Variants in PDE3A observed in about 807,000 individuals in gnomAD.
The protein encoded by PDE3A is phosphodiesterase 3A, also known as cGMP-inhibited 3',5'-cyclic phosphodiesterase 3A.
Under a neutral mutation model 98.3 loss-of-function variants are expected in PDE3A, and 43 were observed. That is an observed-to-expected ratio of 0.44 (90% CI 0.34 to 0.56). The LOEUF (loss-of-function observed/expected upper bound fraction) is 0.56. Ranked by LOEUF, PDE3A falls within the 20% of genes least tolerant of loss-of-function variation. The pLI, the probability that PDE3A is intolerant of heterozygous loss-of-function variation, is 0.01. For missense variants in PDE3A, 1,427 were observed against 1,440.7 expected (o/e 0.99, Z 0.15); for synonymous variants, 663 against 567.9 (o/e 1.17, Z -2.38).
chr12:20,498,460 C>A (rs1481476412), intron 1 of PDE3A, among the ~76,000 whole-genome samples: 1 of 152,150 alleles, frequency 6.6e-6, no homozygotes, highest in African/African-American at 2.4e-5. Flanking sequence ...ACTATACCAA[C>A]TATTTACATA....
At chr12:20,660,678 G>C (rs1271812742) in intron 15 of PDE3A, among the ~76,000 whole-genome samples, 2 of 152,190 alleles carry the variant, frequency 1.3e-5, no homozygotes, top group Admixed American at 1.3e-4. Context: ...CTTTGCACAA[G>C]TTCTCTTTTT....
intron 1 of PDE3A, among the ~76,000 whole-genome samples, chr12:20,376,854 C>T (rs920019420): frequency 3.3e-5 from 5 of 151,810 alleles, no homozygotes; most frequent in Admixed American, 2.6e-4. Context: ...AGATGGAAAG[C>T]TATTTGAGAG....
rs192162655 is a variant in PDE3A, at chr12:20,449,576, G to T, written c.960+79332G>T. 51 of 306,672 alleles carry T rather than the reference G, an allele frequency of 1.7e-4. No individual in the cohort carries two copies. The East Asian group carries it at 2.7e-3, about 16-fold the overall frequency. 19.0% of individuals were successfully genotyped at this position (306,672 alleles called of 1,614,324 possible). ...TTTCCACAGAGTCCTTCCATGTGGG[G>T]TATCTGAATGCACTGCACGGGGTCT... On this transcript the variant is annotated intron_variant, in intron 1 of 15. Coordinates refer to ENST00000359062, the MANE Select transcript of PDE3A (RefSeq NM_000921.5).
At chr12:20,498,909 G>A (rs1037234047) in intron 1 of PDE3A, among the ~76,000 whole-genome samples, 1 of 152,068 alleles carries the variant, frequency 6.6e-6, no homozygotes, top group Non-Finnish European at 1.5e-5. Flanking sequence ...AGGAACAGCA[G>A]TAAAGGCAAG....
chr12:20,641,849 G>C (rs1944653340), intron 10 of PDE3A, among the ~76,000 whole-genome samples: 1 of 151,974 alleles, frequency 6.6e-6, no homozygotes, highest in Non-Finnish European at 1.5e-5. Context: ...AAACCTGCTT[G>C]TTCTATTAGA....
chr12:20,493,432 G>T (rs1296482998), intron 1 of PDE3A, among the ~76,000 whole-genome samples: 2 of 152,096 alleles, frequency 1.3e-5, no homozygotes, highest in Non-Finnish European at 2.9e-5. Flanking sequence ...AAGTAATCCA[G>T]AGATGATTTA....
chr12:20,458,430 A>C (rs1319057296), intron 1 of PDE3A, among the ~76,000 whole-genome samples: 1 of 151,864 alleles, frequency 6.6e-6, no homozygotes, highest in Non-Finnish European at 1.5e-5. Flanking sequence ...ATCTTTTTGT[A>C]TAGGTTTAAG....
chr12:20,457,030 A>T (rs1591952262), intron 1 of PDE3A, among the ~76,000 whole-genome samples: 2 of 152,242 alleles, frequency 1.3e-5, no homozygotes, highest in Middle Eastern at 6.8e-3. Context: ...GTCAAATCAA[A>T]CACTTCTTTA....
At chr12:20,400,609 G>A (rs556655759) in intron 1 of PDE3A, among the ~76,000 whole-genome samples, 1 of 151,942 alleles carries the variant, frequency 6.6e-6, no homozygotes, top group African/African-American at 2.4e-5. Context: ...TAGTGGAGAC[G>A]AGGTTTCACT....
intron 1 of PDE3A, among the ~76,000 whole-genome samples, chr12:20,501,834 C>A (rs971257270): frequency 6.6e-6 from 1 of 152,136 alleles, no homozygotes. Context: ...TTTGATGTAT[C>A]AATTTAGCAC....
chr12:20,635,734 C>T (rs1944495093), intron 8 of PDE3A, among the ~76,000 whole-genome samples: 1 of 134,204 alleles, frequency 7.5e-6, no homozygotes, highest in South Asian at 2.3e-4. Context: ...GCCTGGGCAA[C>T]AGAGTGCCAC....
intron 1 of PDE3A, among the ~76,000 whole-genome samples, chr12:20,547,688 C>A (rs1223295403): frequency 6.6e-6 from 1 of 151,940 alleles, no homozygotes; most frequent in African/African-American, 2.4e-5. Context: ...TTTTTTATTT[C>A]CCATCTAGTT....
intron 1 of PDE3A, among the ~76,000 whole-genome samples, chr12:20,450,744 A>G (rs982260525): frequency 1.3e-5 from 2 of 152,256 alleles, no homozygotes; most frequent in Non-Finnish European, 2.9e-5. Context: ...AATACGCTGT[A>G]TGGGAATGTG....
intron 9 of PDE3A, 22 bp downstream of exon 9, chr12:20,637,259 A>G: frequency 6.4e-7 from 1 of 1,564,992 alleles, no homozygotes; most frequent in Non-Finnish European, 8.7e-7. Context: ...ATTCATTCAC[A>G]CTAATTTAAA....
At chr12:20,488,820 G>T (rs1302335065) in intron 1 of PDE3A, among the ~76,000 whole-genome samples, 2 of 151,034 alleles carry the variant, frequency 1.3e-5, no homozygotes. Context: ...GGTTGAGGCT[G>T]CCGTGAGCTG....
Position 20,368,812 on chromosome 12 carries a change from C to G in PDE3A, c.-473C>G, listed in dbSNP as rs972137038. On this transcript the variant is annotated 5_prime_UTR_variant, in exon 1 of 16. Coordinates refer to ENST00000359062, the MANE Select transcript of PDE3A (RefSeq NM_000921.5). ...GCGGGCCCGGCGCGCTGCAGCGCAG[C>G]GCAGCGCCGAGCTGCGCCTCGGAAT... 6.6e-6 allele frequency among the ~76,000 whole-genome samples: 1 copy of G among 151,992 alleles called. No individual in the cohort carries two copies. The highest frequency in any genetic ancestry group is 1.5e-5 in the Non-Finnish European group (1 of 67,932).
At chr12:20,389,875 G>C (rs866623612) in intron 1 of PDE3A, among the ~76,000 whole-genome samples, 1 of 151,596 alleles carries the variant, frequency 6.6e-6, no homozygotes, top group Non-Finnish European at 1.5e-5. Flanking sequence ...ACATTCTCAC[G>C]TGTTTATGTT....
intron 1 of PDE3A, among the ~76,000 whole-genome samples, chr12:20,472,702 G>A (rs1390650038): frequency 1.3e-5 from 2 of 152,140 alleles, no homozygotes; most frequent in Non-Finnish European, 1.5e-5. Flanking sequence ...TCATATCAGG[G>A]TTTCTTCTGA....
chr12:20,406,896 T>C (rs145245559), intron 1 of PDE3A, among the ~76,000 whole-genome samples: 1 of 152,276 alleles, frequency 6.6e-6, no homozygotes, highest in Non-Finnish European at 1.5e-5. Context: ...TAACAGTCAA[T>C]ATTATTTTTG....
Sources: gnomAD v4.1 joint callset for allele counts (sites outside exome capture counted in the v4.1 genomes callset) on GRCh38, gnomAD v4.1.1 for gene constraint, MANE v1.5 for transcripts, NCBI Gene and HGNC (gene_info 2026-07-23, HGNC 2026-07-21) for gene names.